The following BRINP3 variants were observed in gnomAD, a reference collection of about 807,000 sequenced individuals.
BRINP3 encodes BMP/retinoic acid inducible neural specific 3, also known as BMP/retinoic acid-inducible neural-specific protein 3.
In BRINP3, 19 loss-of-function variants were observed where a neutral mutation model predicts 71.0. The observed-to-expected ratio is 0.27, with a 90% CI of 0.19 to 0.39. The LOEUF (loss-of-function observed/expected upper bound fraction) is 0.39. Ranked by LOEUF, BRINP3 falls within the 10% of genes least tolerant of loss-of-function variation. BRINP3 has a pLI of 1.00. For missense variants in BRINP3, 959 were observed against 940.8 expected, an observed-to-expected ratio of 1.02 and a Z score of -0.25; for synonymous variants, 380 against 337.7, an observed-to-expected ratio of 1.13 and a Z score of -1.37.
At chr1:190,302,500 GTTAATTTTGGAT>G (rs1230102493) in intron 2 of BRINP3, among the ~76,000 whole-genome samples, 28 of 151,730 alleles carry the variant, frequency 1.8e-4, no homozygotes, top group Non-Finnish European at 3.2e-4. Context: ...TGTTCGGTAT[GTTAATTTTGGAT>G]TTGTATGAAC....
intron 2 of BRINP3, among the ~76,000 whole-genome samples, chr1:190,365,540 C>A (rs1669430045): frequency 6.9e-6 from 1 of 145,920 alleles, no homozygotes; most frequent in South Asian, 2.1e-4. Context: ...ATGTGATGTA[C>A]ATTTAATTAC....
intron 6 of BRINP3, among the ~76,000 whole-genome samples, chr1:190,180,669 C>G (rs1652951454): frequency 6.6e-6 from 1 of 151,904 alleles, no homozygotes; most frequent in Admixed American, 6.6e-5. Flanking sequence ...TCATTATTAG[C>G]TACTCAAAAT....
chr1:190,427,039 T>C (rs1021164106), intron 2 of BRINP3, among the ~76,000 whole-genome samples: 1 of 151,906 alleles, frequency 6.6e-6, no homozygotes, highest in African/African-American at 2.4e-5. Flanking sequence ...TATGTATTTG[T>C]ATACTATTCT....
intron 2 of BRINP3, among the ~76,000 whole-genome samples, chr1:190,336,546 C>A (rs968433314): frequency 3.9e-5 from 6 of 151,986 alleles, no homozygotes; most frequent in African/African-American, 1.4e-4. Context: ...TTATCAAACA[C>A]CACACACCTC....
chr1:190,268,907 A>G (rs895483392), intron 3 of BRINP3, among the ~76,000 whole-genome samples: 1 of 152,186 alleles, frequency 6.6e-6, no homozygotes, highest in Non-Finnish European at 1.5e-5. Context: ...TTTCTTGAGC[A>G]TAAATATTCA....
At chr1:190,140,190 C>G (rs1225229107) in intron 7 of BRINP3, among the ~76,000 whole-genome samples, 1 of 152,106 alleles carries the variant, frequency 6.6e-6, no homozygotes, top group African/African-American at 2.4e-5. Flanking sequence ...TTACCAGAAG[C>G]ATTTCTCCAC....
At position 190,160,772 on chromosome 1, in the gene BRINP3, G is replaced by C. The variant is rs767472596; in HGVS notation, c.1080C>G (p.Asn360Lys). 44 of 1,613,434 alleles carry C rather than the reference G, an allele frequency of 2.7e-5. No individual in the cohort carries two copies. The highest frequency in any genetic ancestry group is 1.6e-4 in the Middle Eastern group (1 of 6,072). The stretch of plus-strand genomic sequence containing the variant: ...CCTTTAGGAAAAGTTGTTTCATGCT[G>C]TTCTCCAGTTGTTCATAACGGCGCT... ...NFQRRYEQLE[N>K]SMKQLFLKAQ... Residue 360 changes from asparagine (N) to lysine (K), a missense_variant, in exon 7 of 8, where the codon AAC becomes AAG. By Grantham distance (94) the Asn-to-Lys change is moderately conservative. Transcript: ENST00000367462.
intron 4 of BRINP3, among the ~76,000 whole-genome samples, chr1:190,255,471 G>T (rs1265838568): frequency 2.0e-5 from 3 of 151,954 alleles, no homozygotes; most frequent in African/African-American, 7.3e-5. Context: ...GCCTGTTATT[G>T]GTCTATTCAG....
chr1:190,398,261 A>G (rs1314054845), intron 2 of BRINP3, among the ~76,000 whole-genome samples: 3 of 151,932 alleles, frequency 2.0e-5, no homozygotes, highest in East Asian at 1.9e-4. Context: ...GTGAAAGATC[A>G]TAAGTATATT....
At chr1:190,442,347 A>T (rs1169249010) in intron 2 of BRINP3, among the ~76,000 whole-genome samples, 2 of 152,158 alleles carry the variant, frequency 1.3e-5, no homozygotes, top group Non-Finnish European at 2.9e-5. Context: ...CAAAACAGAG[A>T]TTTTGCTAAT....
intron 6 of BRINP3, among the ~76,000 whole-genome samples, chr1:190,166,812 C>T (rs1440083653): frequency 1.3e-5 from 2 of 151,976 alleles, no homozygotes; most frequent in Non-Finnish European, 2.9e-5. Flanking sequence ...CAACCTCCAC[C>T]CCCAGGGTTC....
At chr1:190,147,160 T>C in intron 7 of BRINP3, among the ~76,000 whole-genome samples, 1 of 152,086 alleles carries the variant, frequency 6.6e-6, no homozygotes, top group Non-Finnish European at 1.5e-5. Context: ...TTATATTCTA[T>C]GGGGCTTTCC....
At chr1:190,465,833 A>G (rs1352237847) in intron 1 of BRINP3, among the ~76,000 whole-genome samples, 1 of 151,862 alleles carries the variant, frequency 6.6e-6, no homozygotes, top group South Asian at 2.1e-4. Flanking sequence ...AAAATGTATG[A>G]CAATTAATAT....
Position 190,160,831 on chromosome 1 carries a change from T to G in BRINP3, c.1021A>C (p.Ile341Leu). ...GAATCCATTGTCCACAAATGCATTA[T>G]AGTAGATGTGTTGAGGAAATAATTC... ...PMNYFLNTST[I>L]MHLWTMDSNF... The change falls in exon 7 of 8, where the codon ATA (isoleucine) becomes CTA (leucine). Residue 341 changes from isoleucine (I) to leucine (L), a missense_variant. Coordinates refer to ENST00000367462, the MANE Select transcript of BRINP3 (RefSeq NM_199051.3). 6.2e-7 allele frequency: 1 copy of G among 1,613,494 alleles called. No individual in the cohort carries two copies. The highest frequency in any genetic ancestry group is 8.5e-7 in the Non-Finnish European group (1 of 1,179,628).
At position 190,453,262 on chromosome 1, in the gene BRINP3, C is replaced by T. The variant is rs1473207908; in HGVS notation, c.236+1393G>A. 2.7e-5 allele frequency among the ~76,000 whole-genome samples: 3 copies of T among 110,656 alleles called. No homozygotes were observed. The East Asian group carries it at 9.3e-4, about 34-fold the overall frequency. 72.6% of individuals were successfully genotyped at this position (110,656 alleles called of 152,430 possible). A position where few individuals can be genotyped will look rare whatever the true frequency, so the allele number is the denominator to read the frequency against. On this transcript the variant is annotated intron_variant, in intron 2 of 7. Coordinates refer to ENST00000367462, the MANE Select transcript of BRINP3 (RefSeq NM_199051.3). ...TTGAGACGGAGGCTCGCTCTGTCGC[C>T]CAGGCTGGAGTGTAGTGGCGCGATC... is the stretch of plus-strand genomic sequence containing the variant.
Position 190,099,054 on chromosome 1 carries a change from T to C in BRINP3, c.1265A>G (p.Glu422Gly). ...ENGLLGSFSEETHSCTCPNDQ... is the reference protein window; with the variant it reads ...ENGLLGSFSEGTHSCTCPNDQ... The stretch of plus-strand genomic sequence containing the variant: ...ATTCGGACACGTGCACGAGTGCGTC[T>C]CTTCTGAAAAGCTGCCTAGGAGGCC... Residue 422 changes from glutamate (E) to glycine (G), a missense_variant, in exon 8 of 8, where the codon GAG becomes GGG. Coordinates refer to ENST00000367462, the MANE Select transcript of BRINP3 (RefSeq NM_199051.3). 1 of 1,614,196 alleles carries C rather than the reference T, an allele frequency of 6.2e-7. No individual in the cohort carries two copies. The highest frequency in any genetic ancestry group is 8.5e-7 in the Non-Finnish European group (1 of 1,180,030).
intron 2 of BRINP3, among the ~76,000 whole-genome samples, chr1:190,390,953 A>T (rs901267562): frequency 6.6e-6 from 1 of 151,826 alleles, no homozygotes; most frequent in African/African-American, 2.4e-5. Context: ...AAGAGAAAAT[A>T]AATGTAATCC....
chr1:190,331,437 C>T (rs558455833), intron 2 of BRINP3, among the ~76,000 whole-genome samples: 1 of 152,102 alleles, frequency 6.6e-6, no homozygotes, highest in African/African-American at 2.4e-5. Flanking sequence ...AAGAACTCTT[C>T]ATCATGCTTT....
chr1:190,464,520 C>T (rs1165919085), intron 1 of BRINP3, among the ~76,000 whole-genome samples: 4 of 151,906 alleles, frequency 2.6e-5, no homozygotes, highest in South Asian at 2.1e-4. Context: ...GGAGCCCCTA[C>T]TACGTAATGC....
Sources: gnomAD v4.1 joint callset for allele counts (sites outside exome capture counted in the v4.1 genomes callset) on GRCh38, gnomAD v4.1.1 for gene constraint, MANE v1.5 for transcripts, NCBI Gene and HGNC (gene_info 2026-07-23, HGNC 2026-07-21) for gene names.